The following LAMA2 variants were observed in gnomAD, a reference collection of about 807,000 sequenced individuals.
The protein encoded by LAMA2 is laminin subunit alpha 2.
A neutral mutation model predicts 364.8 loss-of-function variants in LAMA2; 269 were observed. The ratio of observed to expected loss-of-function variants is 0.74; its 90% CI spans 0.67 to 0.82. LAMA2 has a LOEUF of 0.82. Ranked by LOEUF, LAMA2 falls within the 40% of genes least tolerant of loss-of-function variation. The pLI is 0.00. For synonymous variants in LAMA2, 1,379 were observed against 1,370.6 expected, an observed-to-expected ratio of 1.01 and a Z score of -0.14; for missense variants, 3,807 against 3,873.2, an observed-to-expected ratio of 0.98 and a Z score of 0.45.
intron 1 of LAMA2, among the ~76,000 whole-genome samples, chr6:128,974,845 G>A (rs1334294083): frequency 6.7e-6 from 1 of 149,282 alleles, no homozygotes; most frequent in Non-Finnish European, 1.5e-5. Flanking sequence ...ACAATTTAAT[G>A]AGTAACAATT....
At chr6:129,265,765 G>A (rs1053245792) in intron 15 of LAMA2, among the ~76,000 whole-genome samples, 2 of 152,032 alleles carry the variant, frequency 1.3e-5, no homozygotes, top group Admixed American at 1.3e-4. Flanking sequence ...ATCTAATGTA[G>A]ATGATGGGTT....
rs115757739 is a variant in LAMA2, at chr6:128,917,906, C to A, written c.112+34549C>A. Among the ~76,000 whole-genome samples the A allele has an allele frequency of 2.9e-3, 437 of 151,434 alleles. 2 individuals carry two copies. Among genetic ancestry groups the A allele is most frequent in the African/African-American group, 0.01 (416 of 41,336 alleles). On this transcript the variant is annotated intron_variant, in intron 1 of 64. Transcript: ENST00000421865. ...TTGCCACCCCACCTGGCTAATTTTTCTATTTTTTTTGTAAAGATGGTACTT... is the reference window on the plus strand; with the variant it reads ...TTGCCACCCCACCTGGCTAATTTTTATATTTTTTTTGTAAAGATGGTACTT...
rs374927296 is a variant in LAMA2, at chr6:129,330,590, TG to T, written c.4311+2180del. On this transcript the variant is annotated intron_variant, in intron 29 of 64. Transcript: ENST00000421865. The stretch of plus-strand genomic sequence containing the variant: ...TTTGAAGCGTTTTTTTGTTGTTGTT[TG>T]GTTTTTGTTTTTTTTTTTTTTTTTC... Among the ~76,000 whole-genome samples, 82 of 74,970 alleles carry T rather than the reference TG, an allele frequency of 1.1e-3. 3 individuals carry two copies. Among genetic ancestry groups the T allele is most frequent in the Admixed American group, 1.9e-3 (10 of 5,154 alleles). 49.2% of individuals were successfully genotyped at this position (74,970 alleles called of 152,430 possible).
rs1774566598 is a variant in LAMA2, at chr6:129,315,849, A to G, written c.3823A>G (p.Ile1275Val). ...TGFSTYNPQV[I>V]IRGGTPTHAR... ...TTTCTCTACATATAATCCTCAAGTG[A>G]TCATTCGAGGTGGGACACCTACTCA... The change falls in exon 26 of 65, where the codon ATC (isoleucine) becomes GTC (valine). Residue 1275 changes from isoleucine (I) to valine (V), a missense_variant. Around this residue, in one of 3 missense-constraint regions of LAMA2, gnomAD observed 3,333 missense variants for 3,345.7 expected, o/e 1.00. Transcript: ENST00000421865. 3 of 1,614,000 alleles carry G rather than the reference A, an allele frequency of 1.9e-6. No homozygotes were observed. In the South Asian group the frequency reaches 3.3e-5, roughly 18 times the overall value.
chr6:129,185,591 T>C (rs1225198347), intron 10 of LAMA2, among the ~76,000 whole-genome samples: 1 of 151,794 alleles, frequency 6.6e-6, no homozygotes, highest in Non-Finnish European at 1.5e-5. Flanking sequence ...AGGCAAACAT[T>C]CACATGGTGC....
intron 1 of LAMA2, among the ~76,000 whole-genome samples, chr6:128,935,882 C>A (rs1206060257): frequency 6.6e-6 from 1 of 152,120 alleles, no homozygotes; most frequent in African/African-American, 2.4e-5. Flanking sequence ...TGTCCCCACC[C>A]AAATCTCATC....
chr6:129,512,977 A>C (rs1231404603), intron 63 of LAMA2, among the ~76,000 whole-genome samples: 1 of 152,208 alleles, frequency 6.6e-6, no homozygotes, highest in Non-Finnish European at 1.5e-5. Context: ...CTACCATTTC[A>C]AAAAACAGCA....
chr6:128,909,325 T>C (rs560237029), intron 1 of LAMA2, among the ~76,000 whole-genome samples: 2 of 152,212 alleles, frequency 1.3e-5, no homozygotes, highest in African/African-American at 2.4e-5. Flanking sequence ...TGCTCCTGTG[T>C]TGGGTGCGTA....
chr6:128,911,355 G>A (rs938199241), intron 1 of LAMA2, among the ~76,000 whole-genome samples: 6 of 152,110 alleles, frequency 3.9e-5, no homozygotes, highest in African/African-American at 1.4e-4. Flanking sequence ...CGTTTTTTAA[G>A]CCCGTCGGAA....
intron 10 of LAMA2, among the ~76,000 whole-genome samples, chr6:129,178,207 CA>C (rs1780728930): frequency 6.6e-6 from 1 of 152,146 alleles, no homozygotes; most frequent in Admixed American, 6.5e-5. Flanking sequence ...TCTACCTTTG[CA>C]TCTAATTCAG....
chr6:129,287,902 T>A lies in LAMA2; in HGVS notation c.2593T>A (p.Cys865Ser), dbSNP rs1789391199. ...PSVPGGSCQP[C>S]QCNDNLDFSI... is the part of the protein sequence containing the mutation. ...TGTACCTGGAGGATCATGTCAGCCA[T>A]GCCAATGCAATGACAACCTTGACTT... Residue 865 changes from cysteine to serine, a missense_variant, in exon 19 of 65, where the codon TGC becomes AGC. Coordinates refer to ENST00000421865, the MANE Select transcript of LAMA2 (RefSeq NM_000426.4). 6.2e-7 allele frequency: 1 copy of A among 1,614,092 alleles called. No individual in the cohort carries two copies. The highest frequency in any genetic ancestry group is 1.1e-5 in the South Asian group (1 of 91,090).
At chr6:128,958,651 C>A (rs1781294118) in intron 1 of LAMA2, among the ~76,000 whole-genome samples, 1 of 152,132 alleles carries the variant, frequency 6.6e-6, no homozygotes, top group East Asian at 1.9e-4. Flanking sequence ...TCATCACCTG[C>A]CTCTTGCCTC....
chr6:129,512,393 T>C lies in LAMA2; in HGVS notation c.8888T>C (p.Leu2963Pro), dbSNP rs139863980. Reference sequence around the variant, plus strand: ...GGATTCAAAGTGGGATTGGACCTTCTTGTAGAATTTGAATTCCGCACAACT... The same window carrying C: ...GGATTCAAAGTGGGATTGGACCTTCCTGTAGAATTTGAATTCCGCACAACT... ...VGGFKVGLDL[L>P]VEFEFRTTTT... The change falls in exon 63 of 65, where the codon CTT (leucine) becomes CCT (proline). Residue 2963 changes from leucine (L) to proline (P), a missense_variant. Coordinates refer to ENST00000421865, the MANE Select transcript of LAMA2 (RefSeq NM_000426.4). 1.2e-6 allele frequency: 2 copies of C among 1,613,792 alleles called. No individual in the cohort carries two copies. Among genetic ancestry groups the C allele is most frequent in the Non-Finnish European group, 8.5e-7 (1 of 1,179,686 alleles).
intron 1 of LAMA2, among the ~76,000 whole-genome samples, chr6:128,888,253 T>G (rs937956232): frequency 6.6e-6 from 1 of 152,070 alleles, no homozygotes; most frequent in Non-Finnish European, 1.5e-5. Context: ...AATTTAGAGG[T>G]CAGAAGTTGT....
At chr6:129,199,794 A>G (rs1227555436) in intron 12 of LAMA2, among the ~76,000 whole-genome samples, 9 of 152,084 alleles carry the variant, frequency 5.9e-5, no homozygotes, top group Non-Finnish European at 1.0e-4. Context: ...AAAAGAAATT[A>G]TAGATGGGGT....
At chr6:129,311,305 T>C (rs1164317180) in intron 22 of LAMA2, among the ~76,000 whole-genome samples, 1 of 151,944 alleles carries the variant, frequency 6.6e-6, no homozygotes. Flanking sequence ...GTGTTTTTAA[T>C]AGAGACAGGG....
At chr6:129,410,834 T>A (rs1780506418) in intron 40 of LAMA2, among the ~76,000 whole-genome samples, 1 of 152,130 alleles carries the variant, frequency 6.6e-6, no homozygotes, top group Non-Finnish European at 1.5e-5. Context: ...GGCTGCAAAG[T>A]CCCAGTATCT....
chr6:129,050,582 T>C (rs1787931462), intron 2 of LAMA2, among the ~76,000 whole-genome samples: 2 of 152,000 alleles, frequency 1.3e-5, no homozygotes. Flanking sequence ...AGGAGCGATA[T>C]CCAAGCTGAT....
chr6:129,007,474 T>C (rs773834760), intron 1 of LAMA2, among the ~76,000 whole-genome samples: 3 of 152,190 alleles, frequency 2.0e-5, no homozygotes, highest in Admixed American at 6.5e-5. Flanking sequence ...CCATATTAAA[T>C]TGCTTTCAAA....
Sources: gnomAD v4.1 joint callset for allele counts (sites outside exome capture counted in the v4.1 genomes callset) on GRCh38, gnomAD v4.1.1 for gene constraint, gnomAD v4.1.1 regional missense constraint, MANE v1.5 for transcripts, NCBI Gene and HGNC (gene_info 2026-07-23, HGNC 2026-07-21) for gene names.